The following LAMP2 variants were observed in gnomAD, a reference collection of about 807,000 sequenced individuals.
LAMP2 encodes the protein lysosome associated membrane protein 2.
In LAMP2, 4 loss-of-function variants were observed where a neutral mutation model predicts 25.6. The observed-to-expected ratio is 0.16, with a 90% CI of 0.08 to 0.36. The LOEUF (loss-of-function observed/expected upper bound fraction) is 0.36. LAMP2 is among the 10% of genes least tolerant of loss of function. LAMP2 has a pLI of 1.00. For synonymous variants in LAMP2, 108 were observed against 112.7 expected (o/e 0.96, Z 0.27); for missense variants, 272 against 301.4 (o/e 0.90, Z 0.72).
At chrX:120,444,416 G>T (rs2058587541) in intron 6 of LAMP2, among the ~76,000 whole-genome samples, 1 of 111,462 alleles carries the variant, frequency 9.0e-6, no homozygotes, top group South Asian at 3.8e-4. Flanking sequence ...TCTCCCAGCT[G>T]GTCTTGATTA....
In LAMP2 at chrX:120,447,885, G is replaced by C. The variant is rs772577020; in HGVS notation, c.697C>G (p.Leu233Val). The C allele has an allele frequency of 8.3e-7, 1 of 1,209,778 alleles. No individual in the cohort carries two copies. Among genetic ancestry groups the C allele is most frequent in the Admixed American group, 2.2e-5 (1 of 45,814 alleles). The change falls in exon 5 of 9, where the codon CTG (leucine) becomes GTG (valine). Residue 233 changes from leucine to valine, a missense_variant. By Grantham distance (32) the Leu-to-Val change is conservative. Coordinates refer to ENST00000200639, the MANE Select transcript of LAMP2 (RefSeq NM_002294.3). ...AGCTGCAGCCCCATGGTAGCCAGCA[G>C]ACAAGTATCATTGCCATTATTAACT... ...YSVNNGNDTCLLATMGLQLNI... is the reference protein window; with the variant it reads ...YSVNNGNDTCVLATMGLQLNI...
Position 120,456,827 on chromosome X carries a change from A to T in LAMP2, c.65-58T>A, listed in dbSNP as rs192733755. ...TTGTACTACAAAAATTATATAAATT[A>T]AAAACAAGCTCTACCCACCACTGAA... On this transcript the variant is annotated intron_variant, in intron 1 of 8. Coordinates refer to ENST00000200639, the MANE Select transcript of LAMP2 (RefSeq NM_002294.3). 7.9e-4 allele frequency: 533 copies of T among 673,291 alleles called. 1 individual carries two copies. In the African/African-American group the frequency reaches 0.01, roughly 13 times the overall value. 55.5% of individuals were successfully genotyped at this position (673,291 alleles called of 1,213,427 possible). A position where few individuals can be genotyped will look rare whatever the true frequency, so the allele number is the denominator to read the frequency against.
intron 6 of LAMP2, among the ~76,000 whole-genome samples, chrX:120,444,032 G>A (rs1569368672): frequency 9.9e-6 from 1 of 100,852 alleles, no homozygotes; most frequent in African/African-American, 3.6e-5. Context: ...AGGAAGGAAG[G>A]AAAGAAAAGA....
At chrX:120,435,766 A>G (rs145371468) in intron 8 of LAMP2, among the ~76,000 whole-genome samples, 5 of 112,013 alleles carry the variant, frequency 4.5e-5, no homozygotes, top group African/African-American at 1.6e-4. Context: ...GTGATGACTA[A>G]CTGGCATTCA....
At chrX:120,449,263 C>T in intron 3 of LAMP2, 135 bp from the exon 4 acceptor site, 1 of 501,820 alleles carries the variant, frequency 2.0e-6, no homozygotes, top group Non-Finnish European at 3.4e-6. Context: ...ATATAGCATG[C>T]TTAAGGGCAT....
At chrX:120,441,689 A>G in intron 8 of LAMP2, 41 bp downstream of exon 8, 1 of 1,100,241 alleles carries the variant, frequency 9.1e-7, no homozygotes, top group South Asian at 1.8e-5. Flanking sequence ...ACCTGTCAAC[A>G]TAAGAACATA....
At chrX:120,454,227 C>CAA (rs34279521) in intron 3 of LAMP2, among the ~76,000 whole-genome samples, 10 of 80,686 alleles carry the variant, frequency 1.2e-4, no homozygotes, top group East Asian at 1.2e-3. Flanking sequence ...GTTATCAGAT[C>CAA]AAAAAAAAAA....
At chrX:120,450,863 T>C (rs2058618066) in intron 3 of LAMP2, among the ~76,000 whole-genome samples, 1 of 109,371 alleles carries the variant, frequency 9.1e-6, no homozygotes, top group Admixed American at 9.8e-5. Context: ...AGATATATAA[T>C]CTTTATATAT....
At chrX:120,432,916 G>A (rs1272824860) in intron 8 of LAMP2, among the ~76,000 whole-genome samples, 5 of 92,285 alleles carry the variant, frequency 5.4e-5, no homozygotes, top group Admixed American at 3.6e-4. Flanking sequence ...GCAGCATATC[G>A]AGAACCCATC....
intron 8 of LAMP2, among the ~76,000 whole-genome samples, chrX:120,432,346 C>G (rs898876722): frequency 1.2e-4 from 13 of 110,445 alleles, no homozygotes; most frequent in African/African-American, 4.0e-4. Context: ...AAAAAGTGTG[C>G]AGGGACCCAG....
At chrX:120,449,383 G>A (rs1411942650) in intron 3 of LAMP2, among the ~76,000 whole-genome samples, 1 of 112,427 alleles carries the variant, frequency 8.9e-6, no homozygotes, top group Non-Finnish European at 1.9e-5. Context: ...GGGAGGCCGA[G>A]GTGGGTGGAT....
At chrX:120,444,413 G>C (rs2058587512) in intron 6 of LAMP2, among the ~76,000 whole-genome samples, 1 of 111,525 alleles carries the variant, frequency 9.0e-6, no homozygotes, top group South Asian at 3.8e-4. Context: ...CATTCTCCCA[G>C]CTGGTCTTGA....
intron 8 of LAMP2, chrX:120,437,137 G>C: frequency 2.7e-6 from 2 of 746,987 alleles, no homozygotes; most frequent in East Asian, 3.0e-4. Context: ...GCTCGCTGTA[G>C]CTCTAAGAGA....
chrX:120,431,602 T>C lies in LAMP2; in HGVS notation c.1094-140A>G, dbSNP rs141348126. 4.2e-3 allele frequency: 2,191 copies of C among 525,527 alleles called. 35 individuals are homozygous for C. The African/African-American group carries it at 0.044, about 11-fold the overall frequency. The allele number at this position is 525,527 out of a possible 1,213,427, so 43.3% of individuals were successfully genotyped here. A position where few individuals can be genotyped will look rare whatever the true frequency, so the allele number is the denominator to read the frequency against. ...AGGTAACAAGTCATTGGCATTTCAT[T>C]ATCAGCAAATGAGATGTTCCACAAA... On this transcript the variant is annotated intron_variant, in intron 8 of 8. Transcript: ENST00000200639.
chrX:120,466,620 G>C (rs918063586), intron 1 of LAMP2, among the ~76,000 whole-genome samples: 4 of 111,639 alleles, frequency 3.6e-5, no homozygotes, highest in Admixed American at 2.9e-4. Context: ...CAAAGTTTTG[G>C]TGTCAGGACC....
chrX:120,435,991 T>C (rs191429194), intron 8 of LAMP2, among the ~76,000 whole-genome samples: 98 of 111,652 alleles, frequency 8.8e-4, no homozygotes, highest in African/African-American at 2.9e-3. Context: ...AGCTACTATG[T>C]AGAGATATTG....
chrX:120,460,442 T>C (rs893314805), intron 1 of LAMP2, among the ~76,000 whole-genome samples: 1 of 111,644 alleles, frequency 9.0e-6, no homozygotes, highest in Non-Finnish European at 1.9e-5. Flanking sequence ...CCCTTTCCCT[T>C]CCCAAGGGTT....
At chrX:120,455,877 A>T (rs1569371393) in intron 2 of LAMP2, among the ~76,000 whole-genome samples, 3 of 106,804 alleles carry the variant, frequency 2.8e-5, no homozygotes, top group Admixed American at 1.0e-4. Flanking sequence ...CAAAGGAATT[A>T]AGAGGAGATG....
At chrX:120,439,458 T>C (rs2058561844) in intron 8 of LAMP2, among the ~76,000 whole-genome samples, 1 of 111,075 alleles carries the variant, frequency 9.0e-6, no homozygotes, top group Non-Finnish European at 1.9e-5. Flanking sequence ...TGGAGAACTG[T>C]TCTAGAATTA....
Sources: allele counts gnomAD v4.1 joint callset (sites outside exome capture counted in the v4.1 genomes callset), GRCh38; gene constraint gnomAD v4.1.1; transcripts MANE v1.5; gene names NCBI Gene and HGNC (gene_info 2026-07-23, HGNC 2026-07-21).